The following CATSPERE variants were observed in gnomAD, a reference collection of about 807,000 sequenced individuals.
The protein encoded by CATSPERE is cation channel sperm-associated auxiliary subunit epsilon.
In CATSPERE, 93 loss-of-function variants were observed where a neutral mutation model predicts 114.1. The observed-to-expected ratio is 0.81, with a 90% CI of 0.69 to 0.97. The LOEUF (loss-of-function observed/expected upper bound fraction) is 0.97. Ranked by LOEUF, CATSPERE falls within the 50% of genes least tolerant of loss-of-function variation. CATSPERE has a pLI of 0.00. For missense variants in CATSPERE, 1,058 were observed against 1,131.6 expected, an observed-to-expected ratio of 0.93 and a Z score of 0.93; for synonymous variants, 341 against 384.1, an observed-to-expected ratio of 0.89 and a Z score of 1.31.
At chr1:244,506,173 A>G (rs1233731147) in intron 7 of CATSPERE, among the ~76,000 whole-genome samples, 1 of 152,206 alleles carries the variant, frequency 6.6e-6, no homozygotes, top group Non-Finnish European at 1.5e-5. Flanking sequence ...TTCACTTAGC[A>G]TAATGTCTTC....
At position 244,620,860 on chromosome 1, in the gene CATSPERE, G is replaced by A. The variant is rs916330832; in HGVS notation, c.2648+3174G>A. Reference sequence around the variant, plus strand: ...ATATCCCTGGTGACCTGGATCACAAGGCAACATGTAGGACAAAGGAGGACA... The same window carrying A: ...ATATCCCTGGTGACCTGGATCACAAAGCAACATGTAGGACAAAGGAGGACA... On this transcript the variant is annotated intron_variant, in intron 20 of 21. Transcript: ENST00000366534. 4.0e-5 allele frequency among the ~76,000 whole-genome samples: 6 copies of A among 150,464 alleles called. No homozygotes were observed. The Admixed American group carries it at 4.0e-4, about 10-fold the overall frequency.
intron 21 of CATSPERE, among the ~76,000 whole-genome samples, chr1:244,638,938 C>A (rs1220285354): frequency 6.6e-6 from 1 of 152,230 alleles, no homozygotes; most frequent in African/African-American, 2.4e-5. Flanking sequence ...TCTACCTTCA[C>A]ACTCATGCTT....
intron 11 of CATSPERE, among the ~76,000 whole-genome samples, chr1:244,580,655 G>T (rs6675291): frequency 0.19 from 28,192 of 152,018 alleles, 3,786 homozygotes; most frequent in East Asian, 0.41. Flanking sequence ...TCCCTGATCA[G>T]AATTGTCTCC....
upstream of CATSPERE, among the ~76,000 whole-genome samples, chr1:244,460,192 CCTT>C (rs1666541371): frequency 6.6e-6 from 1 of 152,210 alleles, no homozygotes. Context: ...AAGCAGACCT[CCTT>C]CTTGCCTGGA....
intron 11 of CATSPERE, among the ~76,000 whole-genome samples, chr1:244,576,911 C>T (rs1013656673): frequency 1.5e-4 from 23 of 152,026 alleles, no homozygotes; most frequent in Admixed American, 3.9e-4. Context: ...ATATATGAAA[C>T]ATTTTACTTT....
chr1:244,593,457 G>A, intron 16 of CATSPERE, 29 bp downstream of exon 16: 3 of 1,613,618 alleles, frequency 1.9e-6, no homozygotes, highest in Non-Finnish European at 2.5e-6. Context: ...TCTGTCAATG[G>A]ACCAAATATA....
intron 8 of CATSPERE, among the ~76,000 whole-genome samples, chr1:244,538,709 C>T (rs544491765): frequency 2.8e-4 from 42 of 152,316 alleles, no homozygotes; most frequent in African/African-American, 1.0e-3. Context: ...CAGTTTCCCC[C>T]ATGGGGAAAG....
intron 8 of CATSPERE, among the ~76,000 whole-genome samples, chr1:244,547,382 A>G (rs1326307706): frequency 6.6e-6 from 1 of 152,230 alleles, no homozygotes; most frequent in Non-Finnish European, 1.5e-5. Flanking sequence ...AACATCTGAA[A>G]GTATAAAACC....
intron 18 of CATSPERE, among the ~76,000 whole-genome samples, chr1:244,606,130 T>C (rs1669966428): frequency 6.6e-6 from 1 of 152,188 alleles, no homozygotes; most frequent in African/African-American, 2.4e-5. Flanking sequence ...GTGCACTAAG[T>C]CAAACGGACA....
chr1:244,630,583 C>T lies in CATSPERE; in HGVS notation c.2649-4906C>T, dbSNP rs906551693. On this transcript the variant is annotated intron_variant, in intron 20 of 21. Transcript: ENST00000366534. ...AAACTCATCAGTCTTCGGAACAGTT[C>T]AACCAAATAACTTAAATTGAGTTAT... 7.9e-5 allele frequency among the ~76,000 whole-genome samples: 12 copies of T among 152,216 alleles called. 1 individual carries two copies. Among genetic ancestry groups the T allele is most frequent in the South Asian group, 4.2e-4 (2 of 4,816 alleles).
chr1:244,591,606 G>C, intron 14 of CATSPERE, 75 bp from the exon 15 acceptor site: 1 of 827,748 alleles, frequency 1.2e-6, no homozygotes, highest in Non-Finnish European at 1.9e-6. Flanking sequence ...GAGAATCACT[G>C]AGTTAAATGA....
intron 20 of CATSPERE, among the ~76,000 whole-genome samples, chr1:244,621,321 T>G (rs1426911472): frequency 5.3e-5 from 1 of 19,004 alleles, no homozygotes; most frequent in Non-Finnish European, 1.1e-4. Flanking sequence ...ATAAAATATA[T>G]ATATATATAT....
intron 9 of CATSPERE, among the ~76,000 whole-genome samples, chr1:244,557,558 T>TATATAA (rs1661812737): frequency 1.3e-5 from 1 of 77,938 alleles, no homozygotes; most frequent in South Asian, 4.3e-4. Context: ...TATATATATA[T>TATATAA]ATATATATAT....
intron 8 of CATSPERE, among the ~76,000 whole-genome samples, chr1:244,527,934 C>T (rs1678919662): frequency 2.6e-5 from 4 of 152,160 alleles, no homozygotes; most frequent in African/African-American, 9.7e-5. Context: ...GACAGGGTCT[C>T]ACCCTGTTGC....
intron 13 of CATSPERE, among the ~76,000 whole-genome samples, chr1:244,587,553 C>G (rs561608134): frequency 6.0e-4 from 92 of 152,316 alleles, no homozygotes; most frequent in Non-Finnish European, 1.2e-3. Context: ...CTATAGGATC[C>G]ACAGGTCATT....
At position 244,640,314 on chromosome 1, in the gene CATSPERE, G is replaced by A. The variant is rs1675199132; in HGVS notation, c.*233G>A. ...TGCCTTCATTTTAAAGATACTCTAT[G>A]TACTCTCACATGGCATGAAAAAATA... is the stretch of plus-strand genomic sequence containing the variant. On this transcript the variant is annotated 3_prime_UTR_variant, in exon 22 of 22. Transcript: ENST00000366534. 3.1e-6 allele frequency: 1 copy of A among 322,266 alleles called. No individual in the cohort carries two copies. The highest frequency in any genetic ancestry group is 4.7e-5 in the Admixed American group (1 of 21,232). The allele number at this position is 322,266 out of a possible 1,614,324, so 20.0% of individuals were successfully genotyped here. A position where few individuals can be genotyped will look rare whatever the true frequency, so the allele number is the denominator to read the frequency against.
At chr1:244,582,947 ATATATATATATATATATATATATATATAT>A (rs1558538994) in intron 12 of CATSPERE, among the ~76,000 whole-genome samples, 446 of 6,376 alleles carry the variant, frequency 0.07, 23 homozygotes, top group African/African-American at 0.12. Context: ...ATATATATAT[ATATATATATATATATATATATATATATAT>A]AAATCAGTGA....
chr1:244,582,549 T>C (rs886772374), intron 12 of CATSPERE, among the ~76,000 whole-genome samples: 2 of 151,906 alleles, frequency 1.3e-5, no homozygotes, highest in Non-Finnish European at 1.5e-5. Flanking sequence ...ATTACAGGCA[T>C]GCGCCACCAC....
chr1:244,567,503 C>T (rs562443670), intron 10 of CATSPERE, among the ~76,000 whole-genome samples: 1 of 152,226 alleles, frequency 6.6e-6, no homozygotes, highest in Admixed American at 6.5e-5. Context: ...TAGGTTTGGT[C>T]TTTTCATATA....
Sources: gnomAD v4.1 joint callset for allele counts (sites outside exome capture counted in the v4.1 genomes callset) on GRCh38, gnomAD v4.1.1 for gene constraint, MANE v1.5 for transcripts, NCBI Gene and HGNC (gene_info 2026-07-23, HGNC 2026-07-21) for gene names.